The following TENM2 variants were observed in gnomAD, a reference collection of about 807,000 sequenced individuals.
TENM2 encodes teneurin-2.
A neutral mutation model predicts 245.2 loss-of-function variants in TENM2; 52 were observed. The observed-to-expected ratio is 0.21, with a 90% CI of 0.17 to 0.27. The LOEUF (loss-of-function observed/expected upper bound fraction) is 0.27. TENM2 is among the 10% of genes least tolerant of loss of function. The pLI, the probability that TENM2 is intolerant of heterozygous loss-of-function variation, is 1.00. For missense variants in TENM2, 3,046 were observed against 3,666.8 expected (o/e 0.83, Z 4.37); for synonymous variants, 1,363 against 1,438.9 (o/e 0.95, Z 1.19).
rs558012312 is a variant in TENM2 at position 167,855,247 on chromosome 5, A to T, written c.503-20739A>T. Among the ~76,000 whole-genome samples the T allele has an allele frequency of 3.0e-4, 45 of 151,772 alleles. 1 individual carries two copies. Among genetic ancestry groups the T allele is most frequent in the South Asian group, 2.5e-3 (12 of 4,794 alleles). ...AGACATCAGCATGGCTCCCTCTCTC[A>T]CTTCCACCAGGTCCCGTTCAAATGT... On this transcript the variant is annotated intron_variant, in intron 2 of 28. Transcript: ENST00000518659.
chr5:167,661,168 A>G (rs1755186340), intron 2 of TENM2, among the ~76,000 whole-genome samples: 1 of 152,202 alleles, frequency 6.6e-6, no homozygotes, highest in Non-Finnish European at 1.5e-5. Flanking sequence ...TAAATAGCTT[A>G]TAGTTATGAG....
At chr5:167,575,279 T>A (rs1269577770) in intron 2 of TENM2, among the ~76,000 whole-genome samples, 1 of 152,170 alleles carries the variant, frequency 6.6e-6, no homozygotes, top group Non-Finnish European at 1.5e-5. Flanking sequence ...ATATTAAAAG[T>A]ACAAAATTCA....
intron 2 of TENM2, among the ~76,000 whole-genome samples, chr5:167,724,125 T>C (rs1449056366): frequency 6.6e-6 from 1 of 152,222 alleles, no homozygotes. Flanking sequence ...TCTTGTCTTA[T>C]ATATCTCATT....
At chr5:167,865,917 G>T (rs1000022213) in intron 2 of TENM2, among the ~76,000 whole-genome samples, 1 of 152,218 alleles carries the variant, frequency 6.6e-6, no homozygotes, top group Non-Finnish European at 1.5e-5. Context: ...ATCCATACAT[G>T]TTGGTGGAGT....
intron 2 of TENM2, among the ~76,000 whole-genome samples, chr5:167,851,196 T>G (rs1192145486): frequency 1.3e-5 from 2 of 151,942 alleles, no homozygotes; most frequent in Non-Finnish European, 2.9e-5. Flanking sequence ...CATCTGGGGG[T>G]GGTGGCAGAG....
At chr5:167,208,432 A>T in the TENM2 span, among the ~76,000 whole-genome samples, 10 of 152,230 alleles carry the variant, frequency 6.6e-5, no homozygotes, top group Admixed American at 1.3e-4. Flanking sequence ...TGGCCTCACA[A>T]ATTTAAACTG....
chr5:167,699,979 C>T (rs1758030562), intron 2 of TENM2, among the ~76,000 whole-genome samples: 1 of 152,136 alleles, frequency 6.6e-6, no homozygotes, highest in African/African-American at 2.4e-5. Flanking sequence ...GCTCTGAATT[C>T]ACTTCTGTAA....
At chr5:168,189,755 T>G (rs528142936) in intron 13 of TENM2, among the ~76,000 whole-genome samples, 5 of 152,172 alleles carry the variant, frequency 3.3e-5, no homozygotes, top group Non-Finnish European at 4.4e-5. Flanking sequence ...TGCATTTTAG[T>G]TTTTTTTAAT....
At chr5:167,339,615 A>G (rs937810463) in intron 1 of TENM2, among the ~76,000 whole-genome samples, 1 of 110,470 alleles carries the variant, frequency 9.1e-6, no homozygotes, top group African/African-American at 3.4e-5. Context: ...TTTTTTTTTT[A>G]TTTTTTGCAT....
the TENM2 span, among the ~76,000 whole-genome samples, chr5:167,118,214 A>C: frequency 6.6e-6 from 1 of 152,358 alleles, no homozygotes; most frequent in East Asian, 1.9e-4. Context: ...ATATTAGATT[A>C]AAAATGAAGT....
At chr5:167,706,877 T>C (rs1758564116) in intron 2 of TENM2, among the ~76,000 whole-genome samples, 2 of 151,768 alleles carry the variant, frequency 1.3e-5, no homozygotes, top group Admixed American at 1.3e-4. Flanking sequence ...TGGCCGGGCA[T>C]GGTGGCAGGC....
chr5:167,571,977 G>A (rs1018411641), intron 2 of TENM2, among the ~76,000 whole-genome samples: 3 of 152,196 alleles, frequency 2.0e-5, no homozygotes, highest in Non-Finnish European at 2.9e-5. Context: ...GCCAGGCCTT[G>A]CAGCTCCCTT....
At chr5:168,236,558 G>A (rs1765440519) in intron 25 of TENM2, among the ~76,000 whole-genome samples, 1 of 152,096 alleles carries the variant, frequency 6.6e-6, no homozygotes, top group Admixed American at 6.5e-5. Flanking sequence ...ATCCTCATCA[G>A]TCCCAGCTCT....
chr5:167,457,418 C>T (rs1404287842), intron 2 of TENM2, among the ~76,000 whole-genome samples: 3 of 151,818 alleles, frequency 2.0e-5, no homozygotes, highest in South Asian at 4.2e-4. Flanking sequence ...CCGCAACCTC[C>T]ACCTCCCGGG....
At chr5:168,066,338 A>G (rs1790506559) in intron 7 of TENM2, among the ~76,000 whole-genome samples, 1 of 152,204 alleles carries the variant, frequency 6.6e-6, no homozygotes, top group Non-Finnish European at 1.5e-5. Flanking sequence ...AGGACATACC[A>G]TCAGATGGTG....
At chr5:167,349,538 T>A (rs1397418251) in intron 1 of TENM2, among the ~76,000 whole-genome samples, 1 of 152,190 alleles carries the variant, frequency 6.6e-6, no homozygotes, top group Admixed American at 6.5e-5. Flanking sequence ...ATTGTGTGCA[T>A]GTATATATAG....
chr5:168,097,878 T>C (rs1435934246), intron 8 of TENM2, 148 bp from the exon 11 acceptor site: 6 of 628,232 alleles, frequency 9.6e-6, no homozygotes, highest in Middle Eastern at 2.8e-4. Context: ...ATTCTCTTCC[T>C]TCACTCATTC....
At chr5:167,375,638 C>G (rs186917507) in intron 2 of TENM2, among the ~76,000 whole-genome samples, 165 bp downstream of exon 4, 612 of 152,286 alleles carry the variant, frequency 4.0e-3, no homozygotes, top group Middle Eastern at 6.8e-3. Context: ...CAGCAACCCT[C>G]CAGCACACAA....
At chr5:166,997,423 G>A in the TENM2 span, among the ~76,000 whole-genome samples, 1 of 152,126 alleles carries the variant, frequency 6.6e-6, no homozygotes, top group African/African-American at 2.4e-5. Context: ...GAATACTTAA[G>A]TGATGGAGCA....
Sources: allele counts gnomAD v4.1 joint callset (sites outside exome capture counted in the v4.1 genomes callset), GRCh38; gene constraint gnomAD v4.1.1; transcripts MANE v1.5; gene names NCBI Gene and HGNC (gene_info 2026-07-23, HGNC 2026-07-21).